Variants in PAK5 observed in about 807,000 individuals in gnomAD.
PAK5 encodes the protein p21 (RAC1) activated kinase 5, also known as serine/threonine-protein kinase PAK 5.
Under a neutral mutation model 65.9 loss-of-function variants are expected in PAK5, and 16 were observed. That is an observed-to-expected ratio of 0.24 (90% CI 0.16 to 0.37). PAK5 has a LOEUF of 0.37. PAK5 is among the 10% of genes least tolerant of loss of function. The pLI, the probability that PAK5 is intolerant of heterozygous loss-of-function variation, is 1.00. For missense variants in PAK5, 785 were observed against 903.9 expected (o/e 0.87, Z 1.69); for synonymous variants, 371 against 354.9 (o/e 1.05, Z -0.51).
chr20:9,701,530 T>C lies in PAK5; in HGVS notation c.-12+9756A>G, dbSNP rs572249672. On this transcript the variant is annotated intron_variant, in intron 2 of 9. Coordinates refer to ENST00000353224, the MANE Select transcript of PAK5 (RefSeq NM_177990.4). ...CTGATTCATTCAATTAAAGACTTCC[T>C]GGACCAAACTCAATGCCATTATAAT... Among the ~76,000 whole-genome samples the C allele has an allele frequency of 5.9e-5, 9 of 152,298 alleles. No individual in the cohort carries two copies. The South Asian group carries it at 1.7e-3, about 28-fold the overall frequency.
At chr20:9,689,299 C>A (rs973944451) in intron 2 of PAK5, among the ~76,000 whole-genome samples, 1 of 152,204 alleles carries the variant, frequency 6.6e-6, no homozygotes, top group Non-Finnish European at 1.5e-5. Flanking sequence ...ATAAACTCAC[C>A]AGTCTTTGGC....
At chr20:9,735,003 G>A (rs988057512) in intron 1 of PAK5, among the ~76,000 whole-genome samples, 1 of 152,122 alleles carries the variant, frequency 6.6e-6, no homozygotes, top group Non-Finnish European at 1.5e-5. Context: ...TACAGGAAAA[G>A]GATTTTTCAT....
At chr20:9,830,410 T>C (rs952560598) in intron 1 of PAK5, among the ~76,000 whole-genome samples, 3 of 152,214 alleles carry the variant, frequency 2.0e-5, no homozygotes, top group Non-Finnish European at 4.4e-5. Flanking sequence ...GTATGATCTT[T>C]TAATATTTAG....
At position 9,694,716 on chromosome 20, in the gene PAK5, C is replaced by T. The variant is rs370893115; in HGVS notation, c.-12+16570G>A. On this transcript the variant is annotated intron_variant, in intron 2 of 9. Coordinates refer to ENST00000353224, the MANE Select transcript of PAK5 (RefSeq NM_177990.4). ...TTGTATTTGTGAGATTAATTCATGT[C>T]GTGATAGGCCATGTTCTTTCTTATT... Among the ~76,000 whole-genome samples, 42 of 152,052 alleles carry T rather than the reference C, an allele frequency of 2.8e-4. 2 individuals carry two copies. In the South Asian group the frequency reaches 7.5e-3, roughly 27 times the overall value.
chr20:9,709,508 C>T (rs766849416), intron 2 of PAK5, among the ~76,000 whole-genome samples: 2 of 152,164 alleles, frequency 1.3e-5, no homozygotes, highest in Non-Finnish European at 2.9e-5. Context: ...GCTACCTGAG[C>T]TGTGTGGTAC....
chr20:9,648,804 CA>C (rs2047167918), intron 2 of PAK5, among the ~76,000 whole-genome samples: 2 of 152,270 alleles, frequency 1.3e-5, no homozygotes, highest in East Asian at 3.9e-4. Flanking sequence ...CCTTCTCTGC[CA>C]GTTACACCAT....
At chr20:9,690,964 A>C (rs1326979847) in intron 2 of PAK5, among the ~76,000 whole-genome samples, 4 of 151,792 alleles carry the variant, frequency 2.6e-5, no homozygotes, top group African/African-American at 9.7e-5. Context: ...CATGTTGGCC[A>C]GGCTGGTCTT....
At chr20:9,737,935 G>T (rs2123574783) in intron 1 of PAK5, among the ~76,000 whole-genome samples, 1 of 152,246 alleles carries the variant, frequency 6.6e-6, no homozygotes, top group South Asian at 2.1e-4. Context: ...GAGGTCAAGA[G>T]ATCGAGACCA....
chr20:9,643,066 C>T lies in PAK5; in HGVS notation c.204+1059G>A, dbSNP rs374195673. Among the ~76,000 whole-genome samples, 10 of 152,294 alleles carry T rather than the reference C, an allele frequency of 6.6e-5. 1 individual carries two copies. The East Asian group carries it at 1.9e-3, about 29-fold the overall frequency. ...TCAGCTGTTCTCTTTCTTTGCATCC[C>T]TTTAAAAATGTATTCAGTTTTGTTC... On this transcript the variant is annotated intron_variant, in intron 3 of 9. Coordinates refer to ENST00000353224, the MANE Select transcript of PAK5 (RefSeq NM_177990.4).
chr20:9,544,567 C>G, intron 7 of PAK5, 73 bp from the exon 8 acceptor site: 1 of 1,411,686 alleles, frequency 7.1e-7, no homozygotes, highest in Non-Finnish European at 1.0e-6. Context: ...TACAAACATA[C>G]AGAGTTTCAA....
Position 9,558,010 on chromosome 20 carries a change from T to TTATTTATG in PAK5, c.1617-277_1617-276insCATAAATA, listed in dbSNP as rs796602079. Among the ~76,000 whole-genome samples the TTATTTATG allele has an allele frequency of 6.2e-4, 76 of 122,108 alleles. 2 individuals carry two copies. In the East Asian group the frequency reaches 0.016, roughly 26 times the overall value. 80.1% of individuals were successfully genotyped at this position (122,108 alleles called of 152,430 possible). ...TGCAAATGCACTTCCAGGAACTCATTTATTTATTTATTTATTTATTTATTT... is the reference window on the plus strand; with the variant it reads ...TGCAAATGCACTTCCAGGAACTCATTTATTTATGTATTTATTTATTTATTTATTTATTT... On this transcript the variant is annotated intron_variant, in intron 6 of 9. Transcript: ENST00000353224.
intron 3 of PAK5, among the ~76,000 whole-genome samples, chr20:9,619,883 A>G (rs967812855): frequency 6.6e-6 from 1 of 152,206 alleles, no homozygotes; most frequent in African/African-American, 2.4e-5. Context: ...CTCTCAGACA[A>G]TCATCAGTGC....
chr20:9,557,515 T>C, intron 7 of PAK5, 93 bp downstream of exon 7: 1 of 1,058,430 alleles, frequency 9.4e-7, no homozygotes, highest in South Asian at 2.0e-5. Context: ...TAAGAAAAAT[T>C]AGAGTTATAA....
intron 2 of PAK5, among the ~76,000 whole-genome samples, chr20:9,678,149 C>T (rs2047600142): frequency 6.6e-6 from 1 of 152,204 alleles, no homozygotes; most frequent in Admixed American, 6.5e-5. Context: ...TTGTTCACAA[C>T]CTTGTGTCTT....
intron 3 of PAK5, among the ~76,000 whole-genome samples, chr20:9,627,852 C>T (rs1174846791): frequency 6.6e-6 from 1 of 152,122 alleles, no homozygotes. Flanking sequence ...GTCTCGAACT[C>T]CTGACCTCAA....
chr20:9,768,401 C>CCCAT (rs2048794091), intron 1 of PAK5, among the ~76,000 whole-genome samples: 1 of 151,948 alleles, frequency 6.6e-6, no homozygotes, highest in Non-Finnish European at 1.5e-5. Context: ...GGGTACTATG[C>CCCAT]CCATACCTGC....
intron 3 of PAK5, among the ~76,000 whole-genome samples, chr20:9,637,060 G>T (rs1189037600): frequency 6.6e-6 from 1 of 152,180 alleles, no homozygotes; most frequent in African/African-American, 2.4e-5. Flanking sequence ...GAGTGCAGTG[G>T]TTCAATCGTG....
intron 1 of PAK5, among the ~76,000 whole-genome samples, chr20:9,728,466 G>C (rs1237311024): frequency 6.6e-6 from 1 of 152,098 alleles, no homozygotes; most frequent in East Asian, 1.9e-4. Context: ...GCACACATCT[G>C]TATTATAGAT....
Position 9,820,738 on chromosome 20 carries a change from A to G in PAK5, c.-162+18024T>C, listed in dbSNP as rs910734085. Among the ~76,000 whole-genome samples the G allele has an allele frequency of 2.6e-5, 4 of 152,210 alleles. No individual in the cohort carries two copies. In the South Asian group the frequency reaches 6.2e-4, roughly 24 times the overall value. ...AGTATGGACCAAGGCAGGCACAACA[A>G]AAGTGGAATCACCTCAGATGTGAAT... On this transcript the variant is annotated intron_variant, in intron 1 of 9. Coordinates refer to ENST00000353224, the MANE Select transcript of PAK5 (RefSeq NM_177990.4).
Sources: allele counts gnomAD v4.1 joint callset (sites outside exome capture counted in the v4.1 genomes callset), GRCh38; gene constraint gnomAD v4.1.1; transcripts MANE v1.5; gene names NCBI Gene and HGNC (gene_info 2026-07-23, HGNC 2026-07-21).